PRLR: variants seen among roughly 807,000 people sequenced by gnomAD.
The protein encoded by PRLR is hPRL receptor.
PRLR carries 13 observed loss-of-function variants against 40.2 expected under a neutral mutation model. The observed-to-expected ratio is 0.32, with a 90% CI of 0.21 to 0.51. The LOEUF (loss-of-function observed/expected upper bound fraction) is 0.51, where lower values mean the gene tolerates loss of function less well. Ranked by LOEUF, PRLR falls within the 20% of genes least tolerant of loss-of-function variation. The pLI, the probability that PRLR is intolerant of heterozygous loss-of-function variation, is 0.97. For synonymous variants in PRLR, 269 were observed against 278.7 expected, an observed-to-expected ratio of 0.97 and a Z score of 0.35; for missense variants, 656 against 747.3, an observed-to-expected ratio of 0.88 and a Z score of 1.42.
intron 1 of PRLR, among the ~76,000 whole-genome samples, chr5:35,227,725 A>T (rs1776586791): frequency 6.6e-6 from 1 of 152,186 alleles, no homozygotes; most frequent in African/African-American, 2.4e-5. Context: ...ATGGAGAGAG[A>T]GTACATGCTG....
At chr5:35,102,486 G>GTCTCC (rs1429962157) in intron 2 of PRLR, among the ~76,000 whole-genome samples, 1,087 of 88,850 alleles carry the variant, frequency 0.012, 26 homozygotes, top group Middle Eastern at 0.032. Context: ...GTCCCGTCCC[G>GTCTCC]TCTCCTCTCC....
At position 35,065,859 on chromosome 5, in the gene PRLR, G is replaced by A. The variant is rs749503056; in HGVS notation, c.1099C>T (p.Pro367Ser). The change falls in exon 10 of 10, where the codon CCC becomes TCC. Residue 367 changes from proline to serine, a missense_variant. Physicochemically the swap from Pro to Ser is moderately conservative, Grantham distance 74. Transcript: ENST00000618457. ...PSLLSEKCEE[P>S]QANPSTFYDP... ...TAGAATGTGGAGGGATTGGCCTGGG[G>A]TTCCTCACACTTTTCAGACAAAAGG... 1.2e-6 allele frequency: 2 copies of A among 1,614,110 alleles called. No homozygotes were observed. Among genetic ancestry groups the A allele is most frequent in the African/African-American group, 1.3e-5 (1 of 75,012 alleles).
exon 9 of PRLR, chr5:35,048,808 T>C (rs1768372393): frequency 4.0e-6 from 1 of 250,560 alleles, no homozygotes; most frequent in Non-Finnish European, 8.1e-6. Context: ...ACATCTCTTC[T>C]AGGTTTCCCA....
At chr5:35,163,794 G>GC (rs1250780707) in intron 1 of PRLR, among the ~76,000 whole-genome samples, 3 of 152,102 alleles carry the variant, frequency 2.0e-5, no homozygotes, top group Non-Finnish European at 4.4e-5. Flanking sequence ...ACTTTCTCTG[G>GC]CCCTAGCATT....
intron 2 of PRLR, among the ~76,000 whole-genome samples, chr5:35,098,097 C>T (rs1771646701): frequency 6.6e-6 from 1 of 152,170 alleles, no homozygotes; most frequent in Non-Finnish European, 1.5e-5. Context: ...GGTACTCGTG[C>T]ATTCTGTGAG....
At chr5:35,138,588 G>A (rs1313293876) in intron 1 of PRLR, among the ~76,000 whole-genome samples, 1 of 152,186 alleles carries the variant, frequency 6.6e-6, no homozygotes, top group African/African-American at 2.4e-5. Context: ...CTGTGTGATT[G>A]AGAAAAACAC....
intron 8 of PRLR, chr5:35,049,523 T>C: frequency 3.3e-6 from 2 of 607,888 alleles, no homozygotes; most frequent in Admixed American, 2.8e-5. Context: ...TAACATAATA[T>C]GTACTTCTGT....
At chr5:35,184,609 A>G (rs1426659243) in intron 1 of PRLR, among the ~76,000 whole-genome samples, 6 of 152,356 alleles carry the variant, frequency 3.9e-5, no homozygotes, top group Middle Eastern at 3.4e-3. Context: ...AGGCATGTGC[A>G]TGGGATCCAT....
chr5:35,073,832 C>A (rs149745881), intron 5 of PRLR, among the ~76,000 whole-genome samples: 1 of 152,258 alleles, frequency 6.6e-6, no homozygotes, highest in East Asian at 1.9e-4. Flanking sequence ...CAAATCAAAA[C>A]CACAGTGAGA....
Position 35,113,488 on chromosome 5 carries a change from T to TCCATCCATCCAC in PRLR, c.-44+4572_-44+4573insGTGGATGGATGG, listed in dbSNP as rs1161113866. On this transcript the variant is annotated intron_variant, in intron 2 of 9. Coordinates refer to ENST00000618457, the MANE Select transcript of PRLR (RefSeq NM_000949.7). The stretch of plus-strand genomic sequence containing the variant: ...ATCCATCCATCCATCCATCCATCCA[T>TCCATCCATCCAC]CCACCCACCCACCTATCTATCCACC... 4.4e-4 allele frequency among the ~76,000 whole-genome samples: 35 copies of TCCATCCATCCAC among 80,144 alleles called. 2 individuals carry two copies. The highest frequency in any genetic ancestry group is 2.3e-3 in the African/African-American group (34 of 14,488). 52.6% of individuals were successfully genotyped at this position (80,144 alleles called of 152,430 possible).
chr5:35,081,767 G>A (rs1770531858), intron 5 of PRLR: 1 of 144,358 alleles, frequency 6.9e-6, no homozygotes, highest in Non-Finnish European at 1.5e-5. Flanking sequence ...TTGAGGGTAA[G>A]GCAATACACA....
chr5:35,196,737 G>A (rs1467427940), intron 1 of PRLR, among the ~76,000 whole-genome samples: 1 of 152,230 alleles, frequency 6.6e-6, no homozygotes, highest in African/African-American at 2.4e-5. Flanking sequence ...TTCCCCGAAG[G>A]AATCGTTCTC....
At chr5:35,087,225 C>T (rs1444579213) in intron 3 of PRLR, among the ~76,000 whole-genome samples, 3 of 152,050 alleles carry the variant, frequency 2.0e-5, no homozygotes, top group Admixed American at 1.3e-4. Context: ...CTCCTGACCT[C>T]GTGCTCTGCC....
intron 1 of PRLR, among the ~76,000 whole-genome samples, chr5:35,202,196 A>G (rs1285186921): frequency 6.6e-6 from 1 of 152,200 alleles, no homozygotes. Flanking sequence ...CCATTGAGAG[A>G]TCTTTGATCA....
intron 1 of PRLR, among the ~76,000 whole-genome samples, chr5:35,208,673 T>A (rs1478385563): frequency 6.6e-6 from 1 of 152,138 alleles, no homozygotes; most frequent in Admixed American, 6.5e-5. Flanking sequence ...AACATCAAAC[T>A]GGGGAAATAT....
chr5:35,220,515 A>AT (rs769786896), intron 1 of PRLR, among the ~76,000 whole-genome samples: 3 of 151,740 alleles, frequency 2.0e-5, no homozygotes, highest in Admixed American at 6.6e-5. Context: ...AGTTCATTGC[A>AT]TTTTTTTCAT....
chr5:35,186,976 G>T (rs1228696506), intron 1 of PRLR, among the ~76,000 whole-genome samples: 2 of 152,180 alleles, frequency 1.3e-5, no homozygotes, highest in African/African-American at 2.4e-5. Context: ...ATCAAAGGGA[G>T]ATTGGAGGCA....
chr5:35,099,439 A>T (rs1157519759), intron 2 of PRLR, among the ~76,000 whole-genome samples: 1 of 152,266 alleles, frequency 6.6e-6, no homozygotes, highest in Non-Finnish European at 1.5e-5. Context: ...AGCGCATACA[A>T]TTATGTGCAG....
chr5:35,122,514 G>T (rs1487409009), intron 1 of PRLR, among the ~76,000 whole-genome samples: 1 of 152,172 alleles, frequency 6.6e-6, no homozygotes, highest in Non-Finnish European at 1.5e-5. Context: ...TTGGTTTTCT[G>T]TTCCTGAGCT....
Sources: gnomAD v4.1 joint callset for allele counts (sites outside exome capture counted in the v4.1 genomes callset) on GRCh38, gnomAD v4.1.1 for gene constraint, MANE v1.5 for transcripts, NCBI Gene and HGNC (gene_info 2026-07-23, HGNC 2026-07-21) for gene names.